The following DLGAP4 variants were observed in gnomAD, a reference collection of about 807,000 sequenced individuals.
The protein encoded by DLGAP4 is DLG associated protein 4.
In DLGAP4, 18 loss-of-function variants were observed where a neutral mutation model predicts 86.9. The ratio of observed to expected loss-of-function variants is 0.21; its 90% CI spans 0.14 to 0.31. DLGAP4 has a LOEUF of 0.31. DLGAP4 is among the 10% of genes least tolerant of loss of function. The probability of loss-of-function intolerance (pLI) is 1.00; values close to 1 mark genes in which losing one functional copy is unlikely to be tolerated. For synonymous variants in DLGAP4, 548 were observed against 574.3 expected, an observed-to-expected ratio of 0.95 and a Z score of 0.65; for missense variants, 1,085 against 1,362.6, an observed-to-expected ratio of 0.80 and a Z score of 3.21.
chr20:36,326,996 CTTTTTTTTTT>C (rs377378667), intron 1 of DLGAP4, among the ~76,000 whole-genome samples: 15 of 99,478 alleles, frequency 1.5e-4, no homozygotes, highest in Middle Eastern at 7.6e-3. Flanking sequence ...AAGATTTTCT[CTTTTTTTTTT>C]TTTTTTTTTT....
intron 7 of DLGAP4, among the ~76,000 whole-genome samples, chr20:36,466,739 G>A (rs945499898): frequency 1.3e-5 from 2 of 152,224 alleles, no homozygotes; most frequent in African/African-American, 4.8e-5. Flanking sequence ...CCCAGGGACG[G>A]GTAGGGATGC....
At chr20:36,479,652 C>G (rs1442678980) in intron 7 of DLGAP4, among the ~76,000 whole-genome samples, 1 of 151,916 alleles carries the variant, frequency 6.6e-6, no homozygotes, top group African/African-American at 2.4e-5. Flanking sequence ...AGCACAGAGG[C>G]CTGGAAGCTG....
intron 1 of DLGAP4, among the ~76,000 whole-genome samples, chr20:36,341,922 C>T (rs1400414883): frequency 2.0e-5 from 3 of 152,242 alleles, no homozygotes; most frequent in African/African-American, 4.8e-5. Flanking sequence ...AGAGCAGGCT[C>T]AGCTCCCCAG....
At chr20:36,352,453 G>C (rs71351018) in intron 1 of DLGAP4, among the ~76,000 whole-genome samples, 3 of 150,888 alleles carry the variant, frequency 2.0e-5, no homozygotes, top group African/African-American at 7.3e-5. Context: ...CTCGGTGGCA[G>C]AGGTGGGGGT....
At chr20:36,337,738 C>T (rs1211909615) in intron 1 of DLGAP4, among the ~76,000 whole-genome samples, 3 of 152,242 alleles carry the variant, frequency 2.0e-5, no homozygotes, top group African/African-American at 7.2e-5. Context: ...TGTCCCTCTG[C>T]AGCCCATGGC....
At chr20:36,453,067 A>G (rs980297395) in intron 7 of DLGAP4, among the ~76,000 whole-genome samples, 4 of 151,920 alleles carry the variant, frequency 2.6e-5, no homozygotes, top group Non-Finnish European at 5.9e-5. Flanking sequence ...TCCTGACCTC[A>G]AGTGATATGC....
At chr20:36,481,341 A>G in intron 7 of DLGAP4, among the ~76,000 whole-genome samples, 1 of 152,126 alleles carries the variant, frequency 6.6e-6, no homozygotes, top group East Asian at 1.9e-4. Context: ...TGTATTTGAC[A>G]GTCTTTTAGG....
At chr20:36,411,741 C>T (rs6017636) in intron 2 of DLGAP4, among the ~76,000 whole-genome samples, 130,178 of 152,208 alleles carry the variant, frequency 0.86, 56,243 homozygotes, top group East Asian at 1. Flanking sequence ...CCCAGGCATT[C>T]GCTTCCCTGT....
At chr20:36,402,820 A>C (rs1433188630) in intron 2 of DLGAP4, among the ~76,000 whole-genome samples, 1 of 152,206 alleles carries the variant, frequency 6.6e-6, no homozygotes, top group Non-Finnish European at 1.5e-5. Flanking sequence ...CTTCATCTTA[A>C]CAATGGCTCA....
intron 2 of DLGAP4, among the ~76,000 whole-genome samples, chr20:36,386,558 AG>A (rs1414951566): frequency 6.6e-6 from 1 of 152,146 alleles, no homozygotes; most frequent in African/African-American, 2.4e-5. Context: ...ACCCAAACCC[AG>A]GGGTGTTGTT....
intron 1 of DLGAP4, among the ~76,000 whole-genome samples, chr20:36,319,780 G>A (rs1358094524): frequency 1.3e-5 from 2 of 152,042 alleles, no homozygotes; most frequent in Non-Finnish European, 2.9e-5. Flanking sequence ...AATTCTAGGG[G>A]CCCCCAGGGC....
At chr20:36,368,074 T>C (rs1055095814) in intron 2 of DLGAP4, among the ~76,000 whole-genome samples, 7 of 152,220 alleles carry the variant, frequency 4.6e-5, no homozygotes, top group Non-Finnish European at 7.3e-5. Flanking sequence ...CTTCATTCCC[T>C]TCTGGCCAAC....
chr20:36,310,544 T>G (rs1246400283), intron 1 of DLGAP4, among the ~76,000 whole-genome samples: 1 of 152,212 alleles, frequency 6.6e-6, no homozygotes, highest in South Asian at 2.1e-4. Flanking sequence ...CCGAAGTCTG[T>G]GATCCTGGGA....
At chr20:36,520,674 TA>T (rs1791142174) in intron 10 of DLGAP4, among the ~76,000 whole-genome samples, 1 of 152,144 alleles carries the variant, frequency 6.6e-6, no homozygotes, top group African/African-American at 2.4e-5. Context: ...CTTCGATGCA[TA>T]AAAAGTTTTC....
chr20:36,461,656 C>T, intron 7 of DLGAP4: 1 of 232,164 alleles, frequency 4.3e-6, no homozygotes. Flanking sequence ...GAGACGGGGG[C>T]CGCCCCGCCC....
At chr20:36,481,164 C>T (rs1236440072) in intron 7 of DLGAP4, among the ~76,000 whole-genome samples, 1 of 152,194 alleles carries the variant, frequency 6.6e-6, no homozygotes, top group Non-Finnish European at 1.5e-5. Context: ...GGCATCCATC[C>T]TGCCTGTGTC....
At chr20:36,520,800 AAGGTC>A (rs2147853786) in intron 10 of DLGAP4, among the ~76,000 whole-genome samples, 2 of 151,312 alleles carry the variant, frequency 1.3e-5, no homozygotes, top group South Asian at 4.2e-4. Flanking sequence ...TGCAAAATCC[AAGGTC>A]ATGGAGATTT....
chr20:36,499,354 A>AACCCCCCCCC, intron 8 of DLGAP4: 2 of 1,072,074 alleles, frequency 1.9e-6, no homozygotes, highest in Non-Finnish European at 2.4e-6. Flanking sequence ...ACCCCATCCC[A>AACCCCCCCCC]CCTCCCGCCC....
Position 36,390,049 on chromosome 20 carries a change from C to T in DLGAP4, c.-73+22774C>T, listed in dbSNP as rs143942095. 1.9e-3 allele frequency among the ~76,000 whole-genome samples: 286 copies of T among 152,304 alleles called. 1 individual carries two copies. Among genetic ancestry groups the T allele is most frequent in the Non-Finnish European group, 3.5e-3 (239 of 68,024 alleles). ...AGCCAGGACCACACCTATCCTGCTG[C>T]GTGGCAGCATGGGCTCCAGGCTGAA... On this transcript the variant is annotated intron_variant, in intron 2 of 12. Transcript: ENST00000339266.
Sources: gnomAD v4.1 joint callset for allele counts (sites outside exome capture counted in the v4.1 genomes callset) on GRCh38, gnomAD v4.1.1 for gene constraint, MANE v1.5 for transcripts, NCBI Gene and HGNC (gene_info 2026-07-23, HGNC 2026-07-21) for gene names.